GPHN: variants seen among roughly 807,000 people sequenced by gnomAD.
GPHN encodes the protein gephyrin.
Under a neutral mutation model 95.5 loss-of-function variants are expected in GPHN, and 17 were observed. That is an observed-to-expected ratio of 0.18 (90% confidence interval 0.12 to 0.27). GPHN has a LOEUF of 0.27. Ranked by LOEUF, GPHN falls within the 10% of genes least tolerant of loss-of-function variation. GPHN has a pLI of 1.00. For missense variants in GPHN, 660 were observed against 978.1 expected, an observed-to-expected ratio of 0.67 and a Z score of 4.34; for synonymous variants, 320 against 322.5, an observed-to-expected ratio of 0.99 and a Z score of 0.08.
the GPHN span, among the ~76,000 whole-genome samples, chr14:67,239,855 C>G: frequency 4.1e-4 from 63 of 152,152 alleles, no homozygotes; most frequent in Non-Finnish European, 8.4e-4. Flanking sequence ...AACTCCGTCT[C>G]AAACAAAAAC....
At chr14:67,360,016 C>CG in the GPHN span, 2 of 527,978 alleles carry the variant, frequency 3.8e-6, no homozygotes, top group African/African-American at 3.9e-5. Context: ...GCGGCACGCG[C>CG]CAGGCCAAAG....
intron 3 of GPHN, among the ~76,000 whole-genome samples, chr14:66,797,089 G>GT (rs1429927658): frequency 1.5e-5 from 2 of 135,294 alleles, no homozygotes; most frequent in Non-Finnish European, 3.1e-5. Context: ...TGAAGAAAGA[G>GT]TTTTTTTCCA....
the GPHN span, chr14:67,200,579 TC>T: frequency 4.5e-6 from 1 of 224,640 alleles, no homozygotes; most frequent in Non-Finnish European, 8.5e-6. Context: ...GACTTCATCT[TC>T]CATTAACACG....
At chr14:66,992,156 A>T (rs1223085910) in intron 9 of GPHN, among the ~76,000 whole-genome samples, 1 of 152,144 alleles carries the variant, frequency 6.6e-6, no homozygotes, top group African/African-American at 2.4e-5. Context: ...ATGATATTAA[A>T]TTTCTATTCA....
At chr14:66,834,743 TTGGTATCAGAA>T (rs1418524720) in intron 4 of GPHN, among the ~76,000 whole-genome samples, 4 of 151,502 alleles carry the variant, frequency 2.6e-5, no homozygotes, top group Non-Finnish European at 5.9e-5. Flanking sequence ...CTGCCCGGCT[TTGGTATCAGAA>T]TGATGCTGGC....
At chr14:67,481,856 C>A in the GPHN span, among the ~76,000 whole-genome samples, 2 of 152,190 alleles carry the variant, frequency 1.3e-5, no homozygotes, top group African/African-American at 2.4e-5. Flanking sequence ...CTCAGGGGAC[C>A]TTGGCTTCTT....
At chr14:66,922,609 C>A in intron 6 of GPHN, 57 bp from the exon 7 acceptor site, 1 of 1,388,892 alleles carries the variant, frequency 7.2e-7, no homozygotes. Context: ...TTGCCACCAT[C>A]TTATATAATT....
chr14:66,970,395 CCTATAAAAATGGCACTGCTGATT>C (rs2069671489), intron 9 of GPHN, among the ~76,000 whole-genome samples: 1 of 152,094 alleles, frequency 6.6e-6, no homozygotes, highest in African/African-American at 2.4e-5. Flanking sequence ...AATTCCTTTA[CCTATAAAAATGGCACTGCTGATT>C]CTATATCAGC....
the GPHN span, chr14:67,656,465 A>G: frequency 2.6e-5 from 42 of 1,613,324 alleles, no homozygotes; most frequent in South Asian, 6.6e-5. Flanking sequence ...CAGCTCTTCT[A>G]TGATTTCTGA....
At chr14:66,880,628 G>A (rs1312035985) in intron 5 of GPHN, among the ~76,000 whole-genome samples, 3 of 151,684 alleles carry the variant, frequency 2.0e-5, no homozygotes, top group Non-Finnish European at 4.4e-5. Context: ...CTATGTTGAT[G>A]TGTTGTTGTG....
chr14:67,461,024 T>G, the GPHN span, among the ~76,000 whole-genome samples: 5 of 152,318 alleles, frequency 3.3e-5, no homozygotes, highest in South Asian at 6.2e-4. Flanking sequence ...GTAATTTGCC[T>G]TCCTATTCAT....
At chr14:67,432,193 C>T in the GPHN span, among the ~76,000 whole-genome samples, 1 of 152,154 alleles carries the variant, frequency 6.6e-6, no homozygotes, top group South Asian at 2.1e-4. Flanking sequence ...GATATGTTGG[C>T]CCTAAATCAT....
At chr14:66,635,893 C>T (rs1325508541) in intron 1 of GPHN, among the ~76,000 whole-genome samples, 1 of 151,860 alleles carries the variant, frequency 6.6e-6, no homozygotes, top group Non-Finnish European at 1.5e-5. Flanking sequence ...AATCCCAGCA[C>T]TTTGGGAGGC....
At chr14:66,608,537 T>C (rs2062645054) in intron 1 of GPHN, among the ~76,000 whole-genome samples, 1 of 152,128 alleles carries the variant, frequency 6.6e-6, no homozygotes, top group Non-Finnish European at 1.5e-5. Flanking sequence ...CTGGAATTTC[T>C]TTGTTAGTTT....
chr14:67,168,769 G>C (rs188880571), intron 20 of GPHN, among the ~76,000 whole-genome samples, 164 bp from the exon 21 acceptor site: 1 of 152,144 alleles, frequency 6.6e-6, no homozygotes, highest in East Asian at 1.9e-4. Context: ...GTGGCATTTA[G>C]TTGACTATAC....
At chr14:67,424,634 C>A in the GPHN span, among the ~76,000 whole-genome samples, 1 of 151,632 alleles carries the variant, frequency 6.6e-6, no homozygotes, top group Non-Finnish European at 1.5e-5. Context: ...AGATCCAAGC[C>A]CCTGCCCACC....
chr14:66,950,496 G>A (rs1049395610), intron 8 of GPHN, among the ~76,000 whole-genome samples: 2 of 152,126 alleles, frequency 1.3e-5, no homozygotes, highest in Admixed American at 6.5e-5. Flanking sequence ...CAATTTTCCT[G>A]AATTAATACT....
At chr14:67,408,922 C>G in the GPHN span, among the ~76,000 whole-genome samples, 2 of 151,834 alleles carry the variant, frequency 1.3e-5, no homozygotes, top group Admixed American at 1.3e-4. Context: ...TCAGTTTTTT[C>G]GCCACATAAA....
intron 13 of GPHN, among the ~76,000 whole-genome samples, chr14:67,106,655 G>A (rs752177250): frequency 4.6e-5 from 7 of 151,894 alleles, no homozygotes; most frequent in Non-Finnish European, 7.4e-5. Flanking sequence ...TTTCTGTTTG[G>A]TTCTTTTTTA....
Sources: gnomAD v4.1 joint callset for allele counts (sites outside exome capture counted in the v4.1 genomes callset) on GRCh38, gnomAD v4.1.1 for gene constraint, MANE v1.5 for transcripts, NCBI Gene and HGNC (gene_info 2026-07-23, HGNC 2026-07-21) for gene names.